Variants in TIPARP observed in about 807,000 individuals in gnomAD.
TIPARP encodes the protein protein mono-ADP-ribosyltransferase TIPARP.
Under a neutral mutation model 56.5 loss-of-function variants are expected in TIPARP, and 12 were observed. The observed-to-expected ratio is 0.21, with a 90% CI of 0.14 to 0.34. TIPARP has a LOEUF of 0.34. TIPARP is among the 10% of genes least tolerant of loss of function. The probability of loss-of-function intolerance (pLI) is 1.00; values close to 1 mark genes in which losing one functional copy is unlikely to be tolerated. For missense variants in TIPARP, 604 were observed against 781.6 expected (o/e 0.77, Z 2.71); for synonymous variants, 296 against 265.7 (o/e 1.11, Z -1.11).
intron 1 of TIPARP, 72 bp downstream of exon 1, chr3:156,674,868 TCCGGCC>T (rs970177143): frequency 1.2e-4 from 18 of 153,182 alleles, no homozygotes; most frequent in East Asian, 5.8e-4. Context: ...GCCTCGCGGC[TCCGGCC>T]CCGGCCCCGG....
Position 156,678,541 on chromosome 3 carries a change from T to G in TIPARP, c.844T>G (p.Phe282Val), listed in dbSNP as rs1428394274. Residue 282 changes from phenylalanine to valine, a missense_variant, in exon 2 of 6, where the codon TTC becomes GTC. Phe to Val is a conservative substitution (Grantham distance 50). This residue lies in a region of TIPARP where 252 missense variants were observed against 303.9 expected (regional missense o/e 0.83). Transcript: ENST00000295924. ...RTTTQKWQSV[F>V]NDSQEHLERF... ...AACTACTCAAAAGTGGCAGAGTGTA[T>G]TCAATGATTCTCAGGAGCACTTGGA... The G allele has an allele frequency of 1.2e-6, 2 of 1,614,082 alleles. No individual in the cohort carries two copies. The highest frequency in any genetic ancestry group is 2.7e-5 in the African/African-American group (2 of 74,930).
At chr3:156,682,257 AAG>A (rs776735277) in intron 2 of TIPARP, among the ~76,000 whole-genome samples, 48 of 152,334 alleles carry the variant, frequency 3.2e-4, no homozygotes, top group Middle Eastern at 3.4e-3. Flanking sequence ...AATTTATTGA[AAG>A]AGAGTGGAGG....
intron 2 of TIPARP, among the ~76,000 whole-genome samples, chr3:156,682,087 T>C (rs1722322676): frequency 6.6e-6 from 1 of 152,188 alleles, no homozygotes. Flanking sequence ...AATCTCTCTT[T>C]AGCAAACAAG....
chr3:156,702,889 G>T (rs781677568), intron 4 of TIPARP, among the ~76,000 whole-genome samples: 2 of 152,138 alleles, frequency 1.3e-5, no homozygotes, highest in Non-Finnish European at 2.9e-5. Context: ...CTTAGAAAAC[G>T]AAGCAAATGT....
intron 2 of TIPARP, among the ~76,000 whole-genome samples, chr3:156,679,619 T>C (rs568321372): frequency 5.9e-5 from 9 of 152,296 alleles, no homozygotes; most frequent in Non-Finnish European, 7.4e-5. Flanking sequence ...TGCTCCCTGA[T>C]TGGGGAGGCC....
intron 5 of TIPARP, 72 bp downstream of exon 5, chr3:156,703,774 G>A (rs1357094965): frequency 6.7e-7 from 1 of 1,488,506 alleles, no homozygotes; most frequent in African/African-American, 1.4e-5. Context: ...AGCACTTTGG[G>A]AGGCCGAGGC....
chr3:156,679,147 C>G (rs866017682), intron 2 of TIPARP, among the ~76,000 whole-genome samples: 1 of 152,008 alleles, frequency 6.6e-6, no homozygotes, highest in Non-Finnish European at 1.5e-5. Flanking sequence ...TTCCTTGGAA[C>G]TTTTCACCAT....
intron 5 of TIPARP, 110 bp from the exon 6 acceptor site, chr3:156,704,574 C>T (rs895205672): frequency 2.2e-5 from 25 of 1,136,800 alleles, no homozygotes; most frequent in Non-Finnish European, 2.6e-5. Flanking sequence ...GGCATTTTGC[C>T]CTTGATAACT....
At chr3:156,693,942 AATG>A in intron 2 of TIPARP, 75 bp from the exon 3 acceptor site, 1 of 1,432,082 alleles carries the variant, frequency 7.0e-7, no homozygotes, top group East Asian at 2.5e-5. Context: ...TTTAATGTCC[AATG>A]ATATTTTTAG....
chr3:156,702,592 A>G (rs191760877), intron 4 of TIPARP, among the ~76,000 whole-genome samples: 1 of 152,276 alleles, frequency 6.6e-6, no homozygotes, highest in East Asian at 1.9e-4. Context: ...CTGGCCCTGA[A>G]CTAGGTCTCA....
chr3:156,690,148 C>T (rs1371048273), intron 2 of TIPARP, among the ~76,000 whole-genome samples: 1 of 152,150 alleles, frequency 6.6e-6, no homozygotes, highest in East Asian at 1.9e-4. Context: ...TGGTTACACT[C>T]TTTACTGAGC....
chr3:156,681,720 C>G (rs1722312263), intron 2 of TIPARP, among the ~76,000 whole-genome samples: 1 of 152,076 alleles, frequency 6.6e-6, no homozygotes, highest in Admixed American at 6.6e-5. Flanking sequence ...CTTATTTGTT[C>G]CTTGTAATGA....
chr3:156,704,885 T>A lies in TIPARP; in HGVS notation c.1728T>A (p.Ser576=), dbSNP rs1553772168. The A allele has an allele frequency of 1.2e-6, 2 of 1,614,104 alleles. No homozygotes were observed. Among genetic ancestry groups the A allele is most frequent in the South Asian group, 2.2e-5 (2 of 91,088 alleles). The change falls in exon 6 of 6, where the codon TCT becomes TCA. Residue 576 remains serine, a synonymous_variant. Coordinates refer to ENST00000295924, the MANE Select transcript of TIPARP (RefSeq NM_015508.5). The part of the protein sequence containing the change: ...AKKASYSHNF[S]KKSSKGVHFM... ...AGGCAAGCTACTCTCATAACTTTTC[T>A]AAGAAGTCCTCCAAAGGAGTCCACT... is the stretch of plus-strand genomic sequence containing the variant.
chr3:156,676,119 A>AG (rs1373387322), intron 1 of TIPARP, among the ~76,000 whole-genome samples: 1 of 152,176 alleles, frequency 6.6e-6, no homozygotes, highest in Non-Finnish European at 1.5e-5. Context: ...TATGGTGGAG[A>AG]GGGAATACCA....
At chr3:156,684,404 G>A (rs1722378238) in intron 2 of TIPARP, among the ~76,000 whole-genome samples, 1 of 152,126 alleles carries the variant, frequency 6.6e-6, no homozygotes, top group South Asian at 2.1e-4. Flanking sequence ...TACTTCTGAA[G>A]TTCACCATTT....
chr3:156,681,617 T>A (rs1487612269), intron 2 of TIPARP, among the ~76,000 whole-genome samples: 2 of 152,194 alleles, frequency 1.3e-5, no homozygotes, highest in Admixed American at 1.3e-4. Context: ...GGAAAGGAAG[T>A]TGAACTAGAT....
chr3:156,691,250 T>C (rs926678415), intron 2 of TIPARP, among the ~76,000 whole-genome samples: 7 of 152,234 alleles, frequency 4.6e-5, no homozygotes, highest in Admixed American at 4.6e-4. Flanking sequence ...ATTCTTCTTC[T>C]TGCAGAAAGC....
chr3:156,675,166 C>G (rs1722085970), intron 1 of TIPARP: 2 of 56,612 alleles, frequency 3.5e-5, no homozygotes, highest in South Asian at 1.2e-3. Context: ...CCTAGGAGCC[C>G]TTCCCAGACC....
intron 3 of TIPARP, 33 bp from the exon 4 acceptor site, chr3:156,695,832 T>TTTTTC: frequency 7.7e-7 from 1 of 1,299,744 alleles, no homozygotes; most frequent in Non-Finnish European, 9.8e-7. Flanking sequence ...TTTCCTTTTT[T>TTTTTC]TTTTTTTTTT....
Sources: allele counts gnomAD v4.1 joint callset (sites outside exome capture counted in the v4.1 genomes callset), GRCh38; gene constraint gnomAD v4.1.1; regional missense constraint gnomAD v4.1.1; transcripts MANE v1.5; gene names NCBI Gene and HGNC (gene_info 2026-07-23, HGNC 2026-07-21).